The following DIAPH3 variants were observed in gnomAD, a reference collection of about 807,000 sequenced individuals.
DIAPH3 encodes diaphanous related formin 3.
In DIAPH3, 117 loss-of-function variants were observed where a neutral mutation model predicts 144.3. The ratio of observed to expected loss-of-function variants is 0.81; its 90% confidence interval spans 0.70 to 0.95. The LOEUF (loss-of-function observed/expected upper bound fraction) is 0.95. Ranked by LOEUF, DIAPH3 falls within the 40% of genes least tolerant of loss-of-function variation. The probability of loss-of-function intolerance (pLI) is 0.00; values close to 1 mark genes in which losing one functional copy is unlikely to be tolerated. For synonymous variants in DIAPH3, 519 were observed against 488.9 expected (o/e 1.06, Z -0.81); for missense variants, 1,421 against 1,412.7 (o/e 1.01, Z -0.09).
chr13:59,718,987 T>C (rs1354418034), intron 27 of DIAPH3, among the ~76,000 whole-genome samples: 1 of 152,206 alleles, frequency 6.6e-6, no homozygotes, highest in Admixed American at 6.5e-5. Flanking sequence ...ATAAACACAA[T>C]ATAATGATGA....
At chr13:60,071,876 T>C (rs1398641906) in intron 4 of DIAPH3, among the ~76,000 whole-genome samples, 1 of 152,148 alleles carries the variant, frequency 6.6e-6, no homozygotes, top group Non-Finnish European at 1.5e-5. Context: ...GCCTCTTTTA[T>C]CTTCAATCTC....
intron 23 of DIAPH3, among the ~76,000 whole-genome samples, 172 bp from the exon 24 acceptor site, chr13:59,833,443 A>C (rs1366590799): frequency 6.6e-6 from 1 of 151,820 alleles, no homozygotes; most frequent in Non-Finnish European, 1.5e-5. Flanking sequence ...ACATAGCAAC[A>C]AAATCTTAAA....
intron 7 of DIAPH3, among the ~76,000 whole-genome samples, chr13:60,012,579 C>CT (rs1266615674): frequency 1.3e-5 from 2 of 152,180 alleles, no homozygotes; most frequent in Non-Finnish European, 2.9e-5. Flanking sequence ...TGGCTCTGTC[C>CT]TAATAAATCT....
chr13:59,996,105 C>A (rs982872356), intron 9 of DIAPH3, among the ~76,000 whole-genome samples: 2 of 151,994 alleles, frequency 1.3e-5, no homozygotes. Flanking sequence ...AAGGACTAAT[C>A]AATTACCACT....
At chr13:59,866,308 T>G (rs1194993957) in intron 21 of DIAPH3, among the ~76,000 whole-genome samples, 1 of 152,042 alleles carries the variant, frequency 6.6e-6, no homozygotes, top group East Asian at 1.9e-4. Flanking sequence ...TAGCTTACAC[T>G]GGATCACATG....
At chr13:60,073,391 G>A (rs1266427292) in intron 4 of DIAPH3, among the ~76,000 whole-genome samples, 2 of 151,938 alleles carry the variant, frequency 1.3e-5, no homozygotes, top group Non-Finnish European at 2.9e-5. Flanking sequence ...GCATTTCCTA[G>A]TAAATGAAGG....
At chr13:60,145,622 C>T (rs1489213104) in intron 1 of DIAPH3, among the ~76,000 whole-genome samples, 8 of 152,240 alleles carry the variant, frequency 5.3e-5, no homozygotes, top group African/African-American at 1.9e-4. Flanking sequence ...GCACTCCAGC[C>T]TGGGTGACAG....
intron 18 of DIAPH3, among the ~76,000 whole-genome samples, chr13:59,922,989 G>A (rs1322612206): frequency 6.6e-6 from 1 of 152,088 alleles, no homozygotes; most frequent in Non-Finnish European, 1.5e-5. Flanking sequence ...TACTGTTAAT[G>A]CTAATACCCA....
At chr13:59,671,161 AAAC>A (rs893969884) in intron 27 of DIAPH3, among the ~76,000 whole-genome samples, 1 of 151,860 alleles carries the variant, frequency 6.6e-6, no homozygotes, top group Admixed American at 6.5e-5. Context: ...GTTGACTTTC[AAAC>A]AACAGAGTGA....
chr13:59,896,145 C>A (rs2046080394), intron 20 of DIAPH3, among the ~76,000 whole-genome samples: 1 of 152,116 alleles, frequency 6.6e-6, no homozygotes, highest in South Asian at 2.1e-4. Context: ...TTGCTTATGG[C>A]ATGTGGAGGA....
At chr13:60,026,823 C>G (rs1017547081) in intron 5 of DIAPH3, among the ~76,000 whole-genome samples, 2 of 151,886 alleles carry the variant, frequency 1.3e-5, no homozygotes, top group African/African-American at 4.8e-5. Flanking sequence ...TCTTATTGTC[C>G]TATAATGATC....
chr13:59,888,606 C>G (rs188272667), intron 20 of DIAPH3, among the ~76,000 whole-genome samples: 1 of 151,920 alleles, frequency 6.6e-6, no homozygotes, highest in East Asian at 1.9e-4. Flanking sequence ...AACCCTGTTA[C>G]GCAATGTTTT....
chr13:59,780,642 G>A (rs1416266928), intron 25 of DIAPH3, among the ~76,000 whole-genome samples: 2 of 152,182 alleles, frequency 1.3e-5, no homozygotes, highest in Non-Finnish European at 2.9e-5. Flanking sequence ...AATGGAGAAG[G>A]GAGAGTTAAG....
rs910247837 is a variant in DIAPH3, at chr13:60,093,535, G to T, written c.495+93C>A. 5 of 792,102 alleles carry T rather than the reference G, an allele frequency of 6.3e-6. No homozygotes were observed. In the African/African-American group the frequency reaches 6.8e-5, roughly 11 times the overall value. The allele number at this position is 792,102 out of a possible 1,614,324, so 49.1% of individuals were successfully genotyped here. On this transcript the variant is annotated intron_variant, in intron 4 of 27. Transcript: ENST00000400324. ...ATTCAGAAGCCCTCTGATTACAGTTGCCCACAAACTTAAGTACTTCATTAG... is the reference window on the plus strand; with the variant it reads ...ATTCAGAAGCCCTCTGATTACAGTTTCCCACAAACTTAAGTACTTCATTAG...
In DIAPH3 at chr13:59,758,736, T is replaced by A. The variant is rs535977940; in HGVS notation, c.3319+15453A>T. ...CAATGCAATACACAATGCCAAGCAATTTAGTGAAGAGGGGGCTTCACAGAG... is the reference window on the plus strand; with the variant it reads ...CAATGCAATACACAATGCCAAGCAAATTAGTGAAGAGGGGGCTTCACAGAG... On this transcript the variant is annotated intron_variant, in intron 27 of 27. Transcript: ENST00000400324. Among the ~76,000 whole-genome samples the A allele has an allele frequency of 3.3e-5, 5 of 151,658 alleles. No homozygotes were observed. In the South Asian group the frequency reaches 1.0e-3, roughly 32 times the overall value.
chr13:59,772,107 G>A (rs1409356207), intron 27 of DIAPH3, among the ~76,000 whole-genome samples: 3 of 151,842 alleles, frequency 2.0e-5, no homozygotes, highest in Non-Finnish European at 1.5e-5. Context: ...TAGTTCAGTC[G>A]TAGGGTTAGT....
At chr13:59,946,842 T>C (rs2048824022) in intron 17 of DIAPH3, among the ~76,000 whole-genome samples, 1 of 152,128 alleles carries the variant, frequency 6.6e-6, no homozygotes, top group South Asian at 2.1e-4. Context: ...CATTTGAAAA[T>C]CTGGTACGAT....
chr13:59,772,535 T>C (rs2038174793), intron 27 of DIAPH3, among the ~76,000 whole-genome samples: 1 of 152,062 alleles, frequency 6.6e-6, no homozygotes, highest in African/African-American at 2.4e-5. Context: ...GCAATGCTCA[T>C]CTGCTATATA....
chr13:59,789,162 C>T (rs1022617112), intron 25 of DIAPH3, among the ~76,000 whole-genome samples: 3 of 152,238 alleles, frequency 2.0e-5, no homozygotes, highest in East Asian at 1.9e-4. Context: ...TATTTAAATA[C>T]ATATGTAGAT....
Sources: gnomAD v4.1 joint callset for allele counts (sites outside exome capture counted in the v4.1 genomes callset) on GRCh38, gnomAD v4.1.1 for gene constraint, MANE v1.5 for transcripts, NCBI Gene and HGNC (gene_info 2026-07-23, HGNC 2026-07-21) for gene names.